ZFAND3: variants seen among roughly 807,000 people sequenced by gnomAD.
ZFAND3 encodes zinc finger AN1-type containing 3.
In ZFAND3, 10 loss-of-function variants were observed where a neutral mutation model predicts 29.6. That is an observed-to-expected ratio of 0.34 (90% confidence interval 0.21 to 0.57). The LOEUF is 0.57. Among genes scored for constraint, ZFAND3 ranks in the 20% least tolerant of loss-of-function variants. The pLI is 0.86. For synonymous variants in ZFAND3, 128 were observed against 112.6 expected (o/e 1.14, Z -0.87); for missense variants, 230 against 304.5 (o/e 0.76, Z 1.82).
intron 5 of ZFAND3, among the ~76,000 whole-genome samples, chr6:38,133,847 G>C (rs533010761): frequency 6.6e-6 from 1 of 152,000 alleles, no homozygotes; most frequent in African/African-American, 2.4e-5. Context: ...GTAGCACCTG[G>C]GATTTGAGCC....
intron 5 of ZFAND3, among the ~76,000 whole-genome samples, chr6:38,139,580 G>A (rs775113706): frequency 2.6e-5 from 4 of 152,290 alleles, no homozygotes; most frequent in South Asian, 4.1e-4. Context: ...GACATAGAAT[G>A]CAAGGGAGTA....
Position 38,153,960 on chromosome 6 carries a change from G to A in ZFAND3, c.*1571G>A, listed in dbSNP as rs1310380773. Reference sequence around the variant, plus strand: ...TCTGCAAATTAACAGCTGAACACCTGCAACTGCAAATGTTTTTTGATCCGA... The same window carrying A: ...TCTGCAAATTAACAGCTGAACACCTACAACTGCAAATGTTTTTTGATCCGA... On this transcript the variant is annotated 3_prime_UTR_variant, in exon 6 of 6. Transcript: ENST00000287218. The A allele has an allele frequency of 5.1e-6, 5 of 985,492 alleles. No homozygotes were observed. The highest frequency in any genetic ancestry group is 6.0e-6 in the Non-Finnish European group (5 of 829,944). The allele number at this position is 985,492 out of a possible 1,614,324, so 61.0% of individuals were successfully genotyped here. A position where few individuals can be genotyped will look rare whatever the true frequency, so the allele number is the denominator to read the frequency against.
chr6:37,868,263 A>T (rs1210835852), intron 1 of ZFAND3, among the ~76,000 whole-genome samples: 2 of 152,244 alleles, frequency 1.3e-5, no homozygotes, highest in Non-Finnish European at 2.9e-5. Context: ...GAATAGAAAG[A>T]AAAACAAAGA....
chr6:38,089,038 G>T (rs1489126336), intron 4 of ZFAND3, among the ~76,000 whole-genome samples: 25 of 152,064 alleles, frequency 1.6e-4, no homozygotes, highest in Non-Finnish European at 1.5e-5. Context: ...ACAGTGACAT[G>T]AACTAGAATA....
intron 3 of ZFAND3, among the ~76,000 whole-genome samples, chr6:38,065,208 C>T (rs1349774636): frequency 1.3e-5 from 2 of 151,496 alleles, no homozygotes; most frequent in South Asian, 2.1e-4. Flanking sequence ...CCCAGCTACT[C>T]GGGAGGCTGA....
intron 1 of ZFAND3, among the ~76,000 whole-genome samples, chr6:37,906,733 C>T (rs1765415794): frequency 6.6e-6 from 1 of 150,760 alleles, no homozygotes; most frequent in Non-Finnish European, 1.5e-5. Flanking sequence ...TTTATAGCCA[C>T]CCTAGTGTAT....
chr6:37,914,791 G>T (rs1357226191), intron 1 of ZFAND3, among the ~76,000 whole-genome samples: 1 of 151,282 alleles, frequency 6.6e-6, no homozygotes, highest in African/African-American at 2.4e-5. Flanking sequence ...GTGAGCTACC[G>T]TGCCTGGCCA....
At chr6:37,863,700 A>C (rs1468244507) in intron 1 of ZFAND3, among the ~76,000 whole-genome samples, 1 of 151,898 alleles carries the variant, frequency 6.6e-6, no homozygotes, top group African/African-American at 2.4e-5. Flanking sequence ...TATAGTATCC[A>C]CTTAATTAGG....
chr6:37,929,673 A>G (rs1182815724), intron 1 of ZFAND3, among the ~76,000 whole-genome samples: 1 of 152,200 alleles, frequency 6.6e-6, no homozygotes, highest in Non-Finnish European at 1.5e-5. Flanking sequence ...TTGCTGCTAT[A>G]TAAGCTGCTA....
chr6:37,990,565 T>G (rs1183938676), intron 2 of ZFAND3, among the ~76,000 whole-genome samples: 1 of 152,048 alleles, frequency 6.6e-6, no homozygotes, highest in East Asian at 1.9e-4. Context: ...TAACATAATT[T>G]TAAAACTTCT....
intron 1 of ZFAND3, among the ~76,000 whole-genome samples, chr6:37,820,929 C>G (rs895786680): frequency 1.3e-5 from 2 of 152,206 alleles, no homozygotes; most frequent in Non-Finnish European, 2.9e-5. Context: ...ACAGGTGCCT[C>G]CATCATACCA....
At chr6:38,021,552 G>T (rs1053589099) in intron 2 of ZFAND3, among the ~76,000 whole-genome samples, 2 of 152,136 alleles carry the variant, frequency 1.3e-5, no homozygotes, top group South Asian at 4.1e-4. Flanking sequence ...TAACATTGAA[G>T]GTTCTCCCTT....
intron 1 of ZFAND3, among the ~76,000 whole-genome samples, chr6:37,919,840 A>G (rs777570172): frequency 2.6e-5 from 4 of 152,172 alleles, no homozygotes; most frequent in East Asian, 1.9e-4. Flanking sequence ...AAAGTATCCA[A>G]TATTAGAGTT....
chr6:37,840,695 C>T (rs1306470773), intron 1 of ZFAND3, among the ~76,000 whole-genome samples: 1 of 152,204 alleles, frequency 6.6e-6, no homozygotes, highest in Non-Finnish European at 1.5e-5. Flanking sequence ...AATATTTAGT[C>T]TTCCTATCCT....
chr6:37,931,072 C>CCTGTTAGCTGACACTGTGA (rs1761585416), intron 2 of ZFAND3, among the ~76,000 whole-genome samples: 1 of 152,114 alleles, frequency 6.6e-6, no homozygotes, highest in African/African-American at 2.4e-5. Context: ...GCCAGCTGTG[C>CCTGTTAGCTGACACTGTGA]CTGTTAGCTG....
chr6:37,885,369 C>CG (rs1764971096), intron 1 of ZFAND3, among the ~76,000 whole-genome samples: 1 of 152,100 alleles, frequency 6.6e-6, no homozygotes. Flanking sequence ...CTGGGCTAGA[C>CG]GCGGTGGCTC....
At chr6:37,994,914 G>C (rs1054183385) in intron 2 of ZFAND3, among the ~76,000 whole-genome samples, 1 of 152,204 alleles carries the variant, frequency 6.6e-6, no homozygotes, top group African/African-American at 2.4e-5. Flanking sequence ...CTTATCCGGG[G>C]TGGGGGTAAA....
chr6:37,951,945 C>T (rs1188477093), intron 2 of ZFAND3, among the ~76,000 whole-genome samples: 1 of 152,166 alleles, frequency 6.6e-6, no homozygotes, highest in Non-Finnish European at 1.5e-5. Context: ...TGTTAAGATG[C>T]ATTTATTGAG....
Position 38,134,967 on chromosome 6 carries a change from A to G in ZFAND3, c.530-17268A>G, listed in dbSNP as rs529625886. On this transcript the variant is annotated intron_variant, in intron 5 of 5. Transcript: ENST00000287218. ...AGAAGACTGCCTTAGAGGTCAGTATATCTGCCAATAACCAGATCCCTGTGA... is the reference window on the plus strand; with the variant it reads ...AGAAGACTGCCTTAGAGGTCAGTATGTCTGCCAATAACCAGATCCCTGTGA... Among the ~76,000 whole-genome samples the G allele has an allele frequency of 1.3e-3, 204 of 152,352 alleles. 2 individuals are homozygous for G. Among genetic ancestry groups the G allele is most frequent in the Non-Finnish European group, 1.1e-3 (73 of 68,034 alleles).
Sources: allele counts gnomAD v4.1 joint callset (sites outside exome capture counted in the v4.1 genomes callset), GRCh38; gene constraint gnomAD v4.1.1; transcripts MANE v1.5; gene names NCBI Gene and HGNC (gene_info 2026-07-23, HGNC 2026-07-21).